Variants in TOGARAM1 observed in about 807,000 individuals in gnomAD.
The protein encoded by TOGARAM1 is TOG array regulator of axonemal microtubules protein 1.
TOGARAM1 carries 100 observed loss-of-function variants against 166.6 expected under a neutral mutation model. The observed-to-expected ratio is 0.60, with a 90% CI of 0.51 to 0.71. The LOEUF is 0.71. TOGARAM1 is among the 30% of genes least tolerant of loss of function. TOGARAM1 has a pLI of 0.00. For synonymous variants in TOGARAM1, 758 were observed against 763.8 expected, an observed-to-expected ratio of 0.99 and a Z score of 0.13; for missense variants, 2,029 against 2,102.7, an observed-to-expected ratio of 0.96 and a Z score of 0.69.
chr14:45,065,513 C>T (rs1281266753), intron 16 of TOGARAM1, among the ~76,000 whole-genome samples: 2 of 152,206 alleles, frequency 1.3e-5, no homozygotes, highest in Non-Finnish European at 2.9e-5. Context: ...ATGCGACCTG[C>T]AGACCATGGG....
At chr14:44,977,801 A>G (rs1886293682) in intron 1 of TOGARAM1, among the ~76,000 whole-genome samples, 2 of 151,962 alleles carry the variant, frequency 1.3e-5, no homozygotes, top group South Asian at 4.2e-4. Flanking sequence ...GTGTGCCACC[A>G]TGCCCAGCTA....
chr14:44,997,404 CAAAAAAAAAA>C (rs1167788236), intron 2 of TOGARAM1: 1 of 20,854 alleles, frequency 4.8e-5, no homozygotes, highest in Admixed American at 6.7e-4. Context: ...GACTCCATCT[CAAAAAAAAAA>C]AAAAAAAAAA....
chr14:45,065,056 G>A (rs550293179), intron 16 of TOGARAM1, among the ~76,000 whole-genome samples: 5 of 152,038 alleles, frequency 3.3e-5, no homozygotes, highest in East Asian at 1.9e-4. Flanking sequence ...TAAGTATAAT[G>A]TAAGAACCTT....
chr14:44,975,591 C>T (rs1180553944), intron 1 of TOGARAM1, among the ~76,000 whole-genome samples: 4 of 152,014 alleles, frequency 2.6e-5, no homozygotes, highest in East Asian at 1.9e-4. Context: ...CTCAGCCTCC[C>T]GGATAACTGG....
At chr14:45,049,262 G>C (rs934495861) in intron 14 of TOGARAM1, among the ~76,000 whole-genome samples, 2 of 151,310 alleles carry the variant, frequency 1.3e-5, no homozygotes, top group Non-Finnish European at 2.9e-5. Flanking sequence ...CACAGAAAGC[G>C]CTCTGCTTTT....
chr14:45,044,073 G>A (rs904792444), intron 12 of TOGARAM1, among the ~76,000 whole-genome samples: 10 of 151,866 alleles, frequency 6.6e-5, no homozygotes, highest in African/African-American at 2.4e-4. Flanking sequence ...GCAGTGGTGG[G>A]ATCTCGGGTC....
chr14:45,064,332 A>G (rs888649313), intron 16 of TOGARAM1, among the ~76,000 whole-genome samples: 1 of 152,050 alleles, frequency 6.6e-6, no homozygotes, highest in African/African-American at 2.4e-5. Flanking sequence ...GGGTCTTGCT[A>G]TGTTGCCCAG....
rs917159608 is a variant in TOGARAM1 at position 45,068,532 on chromosome 14, C to T, written c.4858C>T (p.Pro1620Ser). The T allele has an allele frequency of 3.1e-6, 5 of 1,613,386 alleles. No homozygotes were observed. The highest frequency in any genetic ancestry group is 4.2e-6 in the Non-Finnish European group (5 of 1,179,700). Residue 1620 changes from proline (P) to serine (S), a missense_variant, in exon 18 of 20, where the codon CCT (proline) becomes TCT (serine). Coordinates refer to ENST00000361462, the MANE Select transcript of TOGARAM1 (RefSeq NM_001308120.2). ...TCCTCTACTTAGAGACCACTTATCT[C>T]CTATAATCAACATGCTAATTCCAGC... ...MIPLLRDHLS[P>S]IINMLIPAIV...
intron 14 of TOGARAM1, among the ~76,000 whole-genome samples, chr14:45,051,046 T>C (rs1203289082): frequency 6.6e-6 from 1 of 152,202 alleles, no homozygotes; most frequent in Non-Finnish European, 1.5e-5. Context: ...GACATCTGTG[T>C]GCTAAAATAT....
intron 1 of TOGARAM1, among the ~76,000 whole-genome samples, chr14:44,979,585 T>C (rs556164744): frequency 1.0e-3 from 152 of 152,330 alleles, no homozygotes; most frequent in Non-Finnish European, 1.4e-3. Context: ...TAAATAGCAC[T>C]TACTCTATGC....
intron 11 of TOGARAM1, among the ~76,000 whole-genome samples, chr14:45,032,778 A>G (rs1881234816): frequency 6.6e-6 from 1 of 152,188 alleles, no homozygotes; most frequent in South Asian, 2.1e-4. Flanking sequence ...GACAAAAGAC[A>G]GTGGCAATGT....
chr14:45,033,093 T>C (rs1881252539), intron 11 of TOGARAM1, among the ~76,000 whole-genome samples: 2 of 151,692 alleles, frequency 1.3e-5, no homozygotes, highest in Non-Finnish European at 1.5e-5. Context: ...CTACTAAAAA[T>C]ACAAAAAAAA....
At chr14:44,992,611 C>CTTTTTTTTTTTTTTTT (rs376434047) in intron 1 of TOGARAM1, among the ~76,000 whole-genome samples, 1 of 91,326 alleles carries the variant, frequency 1.1e-5, no homozygotes, top group African/African-American at 4.9e-5. Context: ...TTTTTGTAAT[C>CTTTTTTTTTTTTTTTT]TTTTTTTTTT....
chr14:44,977,037 T>C (rs934146319), intron 1 of TOGARAM1, among the ~76,000 whole-genome samples: 2 of 152,294 alleles, frequency 1.3e-5, no homozygotes, highest in East Asian at 1.9e-4. Flanking sequence ...AATTGTTTTA[T>C]TTTTAGTAAT....
intron 7 of TOGARAM1, among the ~76,000 whole-genome samples, chr14:45,016,628 C>T (rs1400088241): frequency 6.6e-6 from 1 of 152,048 alleles, no homozygotes; most frequent in Non-Finnish European, 1.5e-5. Flanking sequence ...AACTCCTGGG[C>T]CCAAAGAATT....
rs1486979730 is a variant in TOGARAM1 at position 45,052,566 on chromosome 14, T to A, written c.4440+4T>A. The A allele has an allele frequency of 6.3e-7, 1 of 1,585,872 alleles. No individual in the cohort carries two copies. ...TGTTAGAAACTTACAGCAAAAGGTA[T>A]GTGGGAAAAGTTTGTTTTATAAACA... is the stretch of plus-strand genomic sequence containing the variant. On this transcript the variant is annotated splice_donor_region_variant and intron_variant, in intron 15 of 19. Coordinates refer to ENST00000361462, the MANE Select transcript of TOGARAM1 (RefSeq NM_001308120.2).
At chr14:45,035,866 C>T (rs560672586) in intron 11 of TOGARAM1, among the ~76,000 whole-genome samples, 7 of 150,610 alleles carry the variant, frequency 4.6e-5, no homozygotes, top group African/African-American at 1.7e-4. Flanking sequence ...AATCCCAGCA[C>T]TTTATGAGGC....
chr14:45,035,928 A>G (rs1444555954), intron 11 of TOGARAM1, among the ~76,000 whole-genome samples: 1 of 150,494 alleles, frequency 6.6e-6, no homozygotes, highest in African/African-American at 2.4e-5. Flanking sequence ...CCTTTGCAAT[A>G]TAGCAAGACC....
At chr14:45,047,604 A>G (rs10132697) in intron 14 of TOGARAM1, among the ~76,000 whole-genome samples, 7,018 of 152,124 alleles carry the variant, frequency 0.046, 520 homozygotes, top group African/African-American at 0.16. Flanking sequence ...GAAATTTTCA[A>G]TGTAGTCAGA....
Sources: gnomAD v4.1 joint callset for allele counts (sites outside exome capture counted in the v4.1 genomes callset) on GRCh38, gnomAD v4.1.1 for gene constraint, MANE v1.5 for transcripts, NCBI Gene and HGNC (gene_info 2026-07-23, HGNC 2026-07-21) for gene names.